RIMS1: variants seen among roughly 807,000 people sequenced by gnomAD.
RIMS1 encodes regulating synaptic membrane exocytosis protein 1.
In RIMS1, 83 loss-of-function variants were observed where a neutral mutation model predicts 214.1. That is an observed-to-expected ratio of 0.39 (90% CI 0.32 to 0.47). The LOEUF (loss-of-function observed/expected upper bound fraction) is 0.47. RIMS1 is among the 20% of genes least tolerant of loss of function. The pLI, the probability that RIMS1 is intolerant of heterozygous loss-of-function variation, is 0.99. For synonymous variants in RIMS1, 793 were observed against 786.8 expected, an observed-to-expected ratio of 1.01 and a Z score of -0.13; for missense variants, 2,050 against 2,161.8, an observed-to-expected ratio of 0.95 and a Z score of 1.03.
chr6:72,330,689 G>A (rs964954486), intron 28 of RIMS1, among the ~76,000 whole-genome samples: 2 of 151,650 alleles, frequency 1.3e-5, no homozygotes, highest in East Asian at 1.9e-4. Context: ...ATGTATAAGC[G>A]ATAGGAATAA....
intron 1 of RIMS1, among the ~76,000 whole-genome samples, chr6:71,912,486 AAT>A (rs1238904173): frequency 6.6e-6 from 1 of 152,122 alleles, no homozygotes; most frequent in Non-Finnish European, 1.5e-5. Context: ...ATTAAATTGT[AAT>A]AGTTTATAAA....
rs2076630004 is a variant in RIMS1, at chr6:72,258,142, G to T, written c.2788G>T (p.Ala930Ser). ...TTTGCCAGTAGGCTATAGGTCTAGT[G>T]CTAGAGAAAGTAAATCTACAACATT... ...VVPPVGYRSS[A>S]RESKSTTLTV... The change falls in exon 17 of 34, where the codon GCT becomes TCT. Residue 930 changes from alanine to serine, a missense_variant. Transcript: ENST00000521978. 1 of 1,612,672 alleles carries T rather than the reference G, an allele frequency of 6.2e-7. No homozygotes were observed.
At chr6:72,334,154 G>A (rs2096763082) in intron 29 of RIMS1, among the ~76,000 whole-genome samples, 1 of 151,784 alleles carries the variant, frequency 6.6e-6, no homozygotes, top group Non-Finnish European at 1.5e-5. Context: ...GAAAGCAACA[G>A]GGTTCTCTTT....
chr6:72,011,479 G>A (rs375762359), intron 2 of RIMS1, among the ~76,000 whole-genome samples: 1 of 152,130 alleles, frequency 6.6e-6, no homozygotes, highest in African/African-American at 2.4e-5. Context: ...ATTGACAAAT[G>A]GGATCTAATC....
In RIMS1 at chr6:72,183,546, G is replaced by A. The variant is rs1392225485; in HGVS notation, c.1678+397G>A. ...ATTAAAAAAAAACCACATCAGTTACGTAATATTACAGTTGCAAAGGTAGTT... is the reference window on the plus strand; with the variant it reads ...ATTAAAAAAAAACCACATCAGTTACATAATATTACAGTTGCAAAGGTAGTT... On this transcript the variant is annotated intron_variant, in intron 6 of 33. Transcript: ENST00000521978. Among the ~76,000 whole-genome samples, 9 of 143,464 alleles carry A rather than the reference G, an allele frequency of 6.3e-5. No individual in the cohort carries two copies. In the East Asian group the frequency reaches 1.2e-3, roughly 19 times the overall value. The allele number at this position is 143,464 out of a possible 152,430, so 94.1% of individuals were successfully genotyped here. A position where few individuals can be genotyped will look rare whatever the true frequency, so the allele number is the denominator to read the frequency against.
intron 1 of RIMS1, among the ~76,000 whole-genome samples, chr6:71,903,545 C>G (rs1774368255): frequency 6.6e-6 from 1 of 152,122 alleles, no homozygotes; most frequent in Non-Finnish European, 1.5e-5. Context: ...GCAAGAGAAA[C>G]TATGATCAGA....
At chr6:72,370,805 G>A (rs1024796421) in intron 29 of RIMS1, among the ~76,000 whole-genome samples, 2 of 152,042 alleles carry the variant, frequency 1.3e-5, no homozygotes, top group African/African-American at 4.8e-5. Flanking sequence ...CAAATAAAGA[G>A]AATAAAGTAG....
intron 27 of RIMS1, 56 bp from the exon 28 acceptor site, chr6:72,313,450 A>G (rs2095609155): frequency 1.7e-5 from 26 of 1,522,280 alleles, no homozygotes; most frequent in Non-Finnish European, 2.3e-5. Context: ...CTCACCATCT[A>G]TGTTTTTTCC....
intron 1 of RIMS1, among the ~76,000 whole-genome samples, chr6:71,905,331 T>C (rs1774950105): frequency 6.6e-6 from 1 of 152,174 alleles, no homozygotes; most frequent in South Asian, 2.1e-4. Context: ...GATACAACTT[T>C]CTCACTAGCA....
intron 20 of RIMS1, among the ~76,000 whole-genome samples, 161 bp from the exon 21 acceptor site, chr6:72,265,229 C>A (rs144205571): frequency 6.6e-6 from 1 of 152,040 alleles, no homozygotes; most frequent in South Asian, 2.1e-4. Flanking sequence ...TATCTAAAAT[C>A]GTTTTAACTA....
chr6:72,082,378 A>G (rs982952743), intron 2 of RIMS1, among the ~76,000 whole-genome samples: 1 of 152,192 alleles, frequency 6.6e-6, no homozygotes, highest in Non-Finnish European at 1.5e-5. Flanking sequence ...TGCTTTGCAT[A>G]TACATATTAG....
intron 6 of RIMS1, among the ~76,000 whole-genome samples, chr6:72,184,169 T>C (rs2048775250): frequency 6.6e-6 from 1 of 152,208 alleles, no homozygotes; most frequent in Admixed American, 6.5e-5. Flanking sequence ...TGATGTTTAG[T>C]GCAATACCAT....
At position 72,165,231 on chromosome 6, in the gene RIMS1, T is replaced by C. The variant is rs1161801867; in HGVS notation, c.472-14344T>C. Among the ~76,000 whole-genome samples the C allele has an allele frequency of 2.0e-5, 3 of 152,252 alleles. No homozygotes were observed. In the South Asian group the frequency reaches 6.2e-4, roughly 31 times the overall value. ...AATCTTACTGATCTTATATTCTGTT[T>C]TGTCTAATTTGAAAATACACAAGTC... On this transcript the variant is annotated intron_variant, in intron 4 of 33. Coordinates refer to ENST00000521978, the MANE Select transcript of RIMS1 (RefSeq NM_014989.7).
intron 6 of RIMS1, among the ~76,000 whole-genome samples, chr6:72,214,080 A>G (rs1310865896): frequency 6.6e-6 from 1 of 152,198 alleles, no homozygotes; most frequent in Admixed American, 6.5e-5. Flanking sequence ...AACACTTACT[A>G]CTATGCATGA....
At chr6:71,959,288 T>C (rs1792204698) in intron 1 of RIMS1, among the ~76,000 whole-genome samples, 1 of 152,118 alleles carries the variant, frequency 6.6e-6, no homozygotes, top group Non-Finnish European at 1.5e-5. Flanking sequence ...AATAGTTCAT[T>C]AATGCTTTTC....
intron 6 of RIMS1, chr6:72,217,312 A>T: frequency 1.5e-6 from 2 of 1,333,442 alleles, no homozygotes; most frequent in Non-Finnish European, 2.1e-6. Context: ...ATTATCCAAA[A>T]GAGTAAGATA....
chr6:72,101,281 A>T (rs910135661), intron 4 of RIMS1, among the ~76,000 whole-genome samples: 1 of 152,030 alleles, frequency 6.6e-6, no homozygotes, highest in Non-Finnish European at 1.5e-5. Context: ...CAGACTAAAA[A>T]TAGAGTGGAA....
intron 4 of RIMS1, among the ~76,000 whole-genome samples, chr6:72,144,914 C>T (rs992612881): frequency 2.7e-5 from 4 of 145,950 alleles, no homozygotes; most frequent in East Asian, 2.0e-4. Context: ...GATGGAGTTT[C>T]GCTCTTGTCA....
At chr6:72,081,026 T>C (rs762182634) in intron 2 of RIMS1, among the ~76,000 whole-genome samples, 68 of 152,182 alleles carry the variant, frequency 4.5e-4, no homozygotes, top group Non-Finnish European at 8.1e-4. Flanking sequence ...AGTAGATTTC[T>C]CCTTAGAATC....
Sources: allele counts gnomAD v4.1 joint callset (sites outside exome capture counted in the v4.1 genomes callset), GRCh38; gene constraint gnomAD v4.1.1; transcripts MANE v1.5; gene names NCBI Gene and HGNC (gene_info 2026-07-23, HGNC 2026-07-21).